Variants in LRMDA observed in about 807,000 individuals in gnomAD.
The protein encoded by LRMDA is leucine rich melanocyte differentiation associated.
In LRMDA, 18 loss-of-function variants were observed where a neutral mutation model predicts 29.8. That is an observed-to-expected ratio of 0.60 (90% CI 0.42 to 0.90). The LOEUF is 0.90. Among genes scored for constraint, LRMDA ranks in the 40% least tolerant of loss-of-function variants. The pLI, the probability that LRMDA is intolerant of heterozygous loss-of-function variation, is 0.00. For synonymous variants in LRMDA, 125 were observed against 109.4 expected (o/e 1.14, Z -0.89); for missense variants, 273 against 273.9 (o/e 1.00, Z 0.02).
At chr10:76,453,536 G>T (rs548098897) in intron 6 of LRMDA, among the ~76,000 whole-genome samples, 1 of 152,242 alleles carries the variant, frequency 6.6e-6, no homozygotes, top group Non-Finnish European at 1.5e-5. Context: ...CAAAACCAGG[G>T]CACATTTGTT....
rs189241488 is a variant in LRMDA at position 76,415,411 on chromosome 10, G to A, written c.601+90926G>A. 1.3e-3 allele frequency among the ~76,000 whole-genome samples: 203 copies of A among 152,256 alleles called. 1 individual carries two copies. The highest frequency in any genetic ancestry group is 4.7e-3 in the African/African-American group (195 of 41,548). ...TTTTTTTGAGAAGTAGCTTAGTATG[G>A]ACACAAGAGCTGTACTCTGAGAATA... is the stretch of plus-strand genomic sequence containing the variant. On this transcript the variant is annotated intron_variant, in intron 6 of 6. Transcript: ENST00000611255.
At position 76,159,834 on chromosome 10, in the gene LRMDA, A is replaced by G. The variant is rs74581013; in HGVS notation, c.516+101051A>G. Among the ~76,000 whole-genome samples the G allele has an allele frequency of 2.1e-3, 323 of 152,294 alleles. 3 individuals carry two copies. The highest frequency in any genetic ancestry group is 7.2e-3 in the African/African-American group (300 of 41,570). Reference sequence around the variant, plus strand: ...ATGTCATTCTAGAAAAGGCAAAACTATAGAGAGAGCACAAAGAGCAGTGGT... The same window carrying G: ...ATGTCATTCTAGAAAAGGCAAAACTGTAGAGAGAGCACAAAGAGCAGTGGT... On this transcript the variant is annotated intron_variant, in intron 5 of 6. Coordinates refer to ENST00000611255, the MANE Select transcript of LRMDA (RefSeq NM_001305581.2).
intron 5 of LRMDA, among the ~76,000 whole-genome samples, chr10:76,238,059 G>A (rs1197480351): frequency 6.6e-6 from 1 of 152,086 alleles, no homozygotes; most frequent in Non-Finnish European, 1.5e-5. Context: ...CCAAACTGCT[G>A]GGATTATAGG....
intron 2 of LRMDA, among the ~76,000 whole-genome samples, chr10:75,654,378 AC>A (rs987377579): frequency 3.9e-5 from 6 of 152,218 alleles, no homozygotes; most frequent in Non-Finnish European, 7.3e-5. Context: ...AATGGGAGCC[AC>A]CAACAGTTCT....
intron 2 of LRMDA, among the ~76,000 whole-genome samples, chr10:75,887,138 T>C (rs1369193880): frequency 6.6e-6 from 1 of 150,440 alleles, no homozygotes; most frequent in Non-Finnish European, 1.5e-5. Context: ...TAAGTATATA[T>C]ACATTTATAC....
At chr10:75,856,533 C>A (rs1423024345) in intron 2 of LRMDA, among the ~76,000 whole-genome samples, 1 of 152,108 alleles carries the variant, frequency 6.6e-6, no homozygotes, top group Non-Finnish European at 1.5e-5. Context: ...TCAACATATG[C>A]AAATCAATAA....
Position 76,035,947 on chromosome 10 carries a change from C to T in LRMDA, c.132-61C>T. ...GGGAAGGTTAAAATATTTATTTCGG[C>T]TCATAATGGCCTCCCTGATTTAGTG... is the stretch of plus-strand genomic sequence containing the variant. On this transcript the variant is annotated intron_variant, in intron 2 of 6. Transcript: ENST00000611255. 2.6e-6 allele frequency: 4 copies of T among 1,559,948 alleles called. No homozygotes were observed. In the Admixed American group the frequency reaches 5.6e-5, roughly 22 times the overall value.
chr10:75,944,258 A>T (rs996675230), intron 2 of LRMDA, among the ~76,000 whole-genome samples: 5 of 152,116 alleles, frequency 3.3e-5, no homozygotes, highest in African/African-American at 1.2e-4. Flanking sequence ...ATTGTTTCTT[A>T]TGGGAAGTCA....
chr10:76,230,554 C>CAAA (rs36026287), intron 5 of LRMDA, among the ~76,000 whole-genome samples: 4 of 115,098 alleles, frequency 3.5e-5, no homozygotes, highest in African/African-American at 1.0e-4. Flanking sequence ...GTTAAGAGGG[C>CAAA]AAAAAAAAAA....
intron 6 of LRMDA, among the ~76,000 whole-genome samples, chr10:76,457,587 A>C (rs1300000325): frequency 6.6e-6 from 1 of 152,138 alleles, no homozygotes; most frequent in African/African-American, 2.4e-5. Flanking sequence ...TCCTAAGCCC[A>C]AGAAGGCCAT....
intron 5 of LRMDA, among the ~76,000 whole-genome samples, chr10:76,091,276 CGTGTGTGTGTGTGTGTGTGTGTGT>C (rs56145957): frequency 1.4e-5 from 2 of 146,800 alleles, no homozygotes; most frequent in East Asian, 2.1e-4. Flanking sequence ...ACATGGTGGA[CGTGTGTGTGTGTGTGTGTGTGTGT>C]GTGTGTGTGT....
chr10:75,868,654 G>C (rs927527403), intron 2 of LRMDA, among the ~76,000 whole-genome samples: 1 of 152,118 alleles, frequency 6.6e-6, no homozygotes, highest in Non-Finnish European at 1.5e-5. Flanking sequence ...TCTGATGTTG[G>C]CTGGGCATTC....
intron 2 of LRMDA, among the ~76,000 whole-genome samples, chr10:75,998,227 G>T (rs1218191483): frequency 1.3e-5 from 2 of 152,150 alleles, no homozygotes; most frequent in Non-Finnish European, 2.9e-5. Flanking sequence ...GGACCCCTTT[G>T]TATTCCTATT....
intron 6 of LRMDA, among the ~76,000 whole-genome samples, chr10:76,448,756 C>G (rs987714402): frequency 2.6e-5 from 4 of 151,770 alleles, no homozygotes; most frequent in Non-Finnish European, 5.9e-5. Flanking sequence ...TCTTCTTTAG[C>G]CTTTTGTTGT....
intron 5 of LRMDA, among the ~76,000 whole-genome samples, chr10:76,086,239 A>G (rs747043041): frequency 1.8e-4 from 28 of 152,192 alleles, no homozygotes; most frequent in Non-Finnish European, 1.2e-4. Flanking sequence ...ACTTTTGGGA[A>G]AGAGTTCACT....
At chr10:75,720,695 A>G (rs61860538) in intron 2 of LRMDA, among the ~76,000 whole-genome samples, 1,702 of 152,090 alleles carry the variant, frequency 0.011, 16 homozygotes, top group Non-Finnish European at 0.018. Flanking sequence ...TGGATTCAGA[A>G]CTCTGTCTCA....
In LRMDA at chr10:76,419,234, C is replaced by T. The variant is rs77232768; in HGVS notation, c.601+94749C>T. Among the ~76,000 whole-genome samples the T allele has an allele frequency of 4.9e-3, 744 of 152,084 alleles. 2 individuals are homozygous for T. Among genetic ancestry groups the T allele is most frequent in the Non-Finnish European group, 8.0e-3 (543 of 67,904 alleles). ...TGCCCTGAAAATCTTTTTTGCTTCA[C>T]CTATTCTATCCCTCCCTCCTAACTA... On this transcript the variant is annotated intron_variant, in intron 6 of 6. Transcript: ENST00000611255.
At chr10:75,532,452 G>A (rs1337339421) in intron 2 of LRMDA, among the ~76,000 whole-genome samples, 2 of 152,158 alleles carry the variant, frequency 1.3e-5, no homozygotes, top group Non-Finnish European at 1.5e-5. Flanking sequence ...AGAGGAAAGG[G>A]CTTGGGGAAA....
At chr10:76,273,684 G>T (rs1192537722) in intron 5 of LRMDA, among the ~76,000 whole-genome samples, 1 of 152,174 alleles carries the variant, frequency 6.6e-6, no homozygotes, top group Non-Finnish European at 1.5e-5. Flanking sequence ...TCTGAAATGG[G>T]GGATAGGGTT....
Sources: gnomAD v4.1 joint callset for allele counts (sites outside exome capture counted in the v4.1 genomes callset) on GRCh38, gnomAD v4.1.1 for gene constraint, MANE v1.5 for transcripts, NCBI Gene and HGNC (gene_info 2026-07-23, HGNC 2026-07-21) for gene names.